The following DAB2 variants were observed in gnomAD, a reference collection of about 807,000 sequenced individuals.
DAB2 encodes disabled homolog 2.
Under a neutral mutation model 71.6 loss-of-function variants are expected in DAB2, and 28 were observed. That is an observed-to-expected ratio of 0.39 (90% CI 0.29 to 0.54). The LOEUF is 0.54. Ranked by LOEUF, DAB2 falls within the 20% of genes least tolerant of loss-of-function variation. The pLI is 0.68. For missense variants in DAB2, 867 were observed against 928.8 expected (o/e 0.93, Z 0.86); for synonymous variants, 345 against 339.7 (o/e 1.02, Z -0.17).
chr5:39,383,253 A>G lies in DAB2; in HGVS notation c.706T>C (p.Leu236=), dbSNP rs768055032. The G allele has an allele frequency of 1.2e-6, 2 of 1,608,084 alleles. No individual in the cohort carries two copies. The highest frequency in any genetic ancestry group is 2.2e-5 in the South Asian group (2 of 90,434). The change falls in exon 10 of 15, where the codon TTA becomes CTA. Residue 236 remains leucine, a synonymous_variant. Coordinates refer to ENST00000320816, the MANE Select transcript of DAB2 (RefSeq NM_001343.4). The part of the protein sequence containing the change: ...NSPTESKDIL[L]VDLNSEIDTN... ...TCGATTTCAGAGTTTAGATCCACTA[A>G]CAGGATATCTTTGCTTTCCTATCAC...
chr5:39,389,033 G>A (rs1755162730), intron 7 of DAB2, 64 bp downstream of exon 7: 3 of 1,512,088 alleles, frequency 2.0e-6, no homozygotes, highest in South Asian at 1.1e-5. Context: ...GGTTGGGCAG[G>A]TAGAAAACAG....
intron 1 of DAB2, among the ~76,000 whole-genome samples, chr5:39,398,124 A>G (rs1755410162): frequency 6.6e-6 from 1 of 152,236 alleles, no homozygotes; most frequent in Non-Finnish European, 1.5e-5. Flanking sequence ...TCTGACATGA[A>G]AAGACTTAGC....
intron 11 of DAB2, among the ~76,000 whole-genome samples, chr5:39,377,739 A>C (rs1268105879): frequency 6.6e-6 from 1 of 152,196 alleles, no homozygotes; most frequent in Non-Finnish European, 1.5e-5. Context: ...TCTCTGAGTC[A>C]CAGATTTGAT....
chr5:39,374,538 G>C (rs1294737909), intron 14 of DAB2, among the ~76,000 whole-genome samples: 1 of 152,176 alleles, frequency 6.6e-6, no homozygotes, highest in Non-Finnish European at 1.5e-5. Context: ...GACTCTTTCA[G>C]ACTAACTTTG....
At chr5:39,423,691 A>G (rs1438534680) in intron 1 of DAB2, 4 of 152,222 alleles carry the variant, frequency 2.6e-5, no homozygotes, top group Non-Finnish European at 5.9e-5. Context: ...TGTTTGCATT[A>G]GTTATATCTT....
intron 6 of DAB2, among the ~76,000 whole-genome samples, 181 bp downstream of exon 6, chr5:39,389,671 C>A (rs1172330482): frequency 1.3e-5 from 2 of 152,092 alleles, no homozygotes; most frequent in African/African-American, 2.4e-5. Flanking sequence ...ACCACCACCC[C>A]TGGCTAATTT....
chr5:39,386,321 C>G (rs1755099222), intron 9 of DAB2, among the ~76,000 whole-genome samples: 1 of 152,092 alleles, frequency 6.6e-6, no homozygotes. Flanking sequence ...CATCTAGGAC[C>G]AATAATAAAG....
At chr5:39,391,278 T>C (rs1328163450) in intron 4 of DAB2, among the ~76,000 whole-genome samples, 1 of 152,164 alleles carries the variant, frequency 6.6e-6, no homozygotes, top group African/African-American at 2.4e-5. Flanking sequence ...AAGGTTGAAC[T>C]CTTTAGGGAT....
In DAB2 at chr5:39,376,902, G is replaced by T; in HGVS notation, c.1885C>A (p.Pro629Thr). ...AAGGCATCACTGGAGATGTCCTTGG[G>T]AGGGCCAGCTCTGGGAGGTGGCTGA... ...PPQPPPRAGP[P>T]KDISSDAFTA... Residue 629 changes from proline to threonine, a missense_variant, in exon 12 of 15, where the codon CCC becomes ACC. This residue lies in a region of DAB2 where 740 missense variants were observed against 734.3 expected (regional missense o/e 1.01). Coordinates refer to ENST00000320816, the MANE Select transcript of DAB2 (RefSeq NM_001343.4). The T allele has an allele frequency of 6.2e-7, 1 of 1,614,166 alleles. No homozygotes were observed. The highest frequency in any genetic ancestry group is 1.1e-5 in the South Asian group (1 of 91,078).
intron 1 of DAB2, among the ~76,000 whole-genome samples, chr5:39,412,684 CTAA>C (rs756380958): frequency 2.0e-5 from 3 of 151,994 alleles, no homozygotes; most frequent in Non-Finnish European, 4.4e-5. Context: ...TTAAATTTAC[CTAA>C]TGTTTATTGT....
intron 1 of DAB2, among the ~76,000 whole-genome samples, chr5:39,412,100 C>G (rs1460953084): frequency 6.6e-6 from 1 of 152,062 alleles, no homozygotes; most frequent in African/African-American, 2.4e-5. Flanking sequence ...ATATTTGCAC[C>G]TGGGTCCAAA....
chr5:39,402,646 G>C (rs2112082822), intron 1 of DAB2, among the ~76,000 whole-genome samples: 1 of 152,276 alleles, frequency 6.6e-6, no homozygotes, highest in Middle Eastern at 3.4e-3. Context: ...TTGAACTCCT[G>C]ACCTCAGGTG....
At chr5:39,405,467 A>G (rs943830639) in intron 1 of DAB2, among the ~76,000 whole-genome samples, 2 of 152,308 alleles carry the variant, frequency 1.3e-5, no homozygotes, top group African/African-American at 4.8e-5. Context: ...TAAAAATCAC[A>G]TTTCTGTCAT....
chr5:39,421,321 C>A (rs533202836), intron 1 of DAB2, among the ~76,000 whole-genome samples: 8 of 152,218 alleles, frequency 5.3e-5, no homozygotes, highest in African/African-American at 1.9e-4. Flanking sequence ...GGAGTAATAA[C>A]AAACAAACAA....
intron 1 of DAB2, among the ~76,000 whole-genome samples, chr5:39,410,542 A>C (rs560708086): frequency 2.6e-5 from 4 of 152,296 alleles, no homozygotes; most frequent in African/African-American, 7.2e-5. Flanking sequence ...TAGGGTACCA[A>C]ATAAACTGCT....
rs1317402022 is a variant in DAB2 at position 39,376,673 on chromosome 5, T to G, written c.2114A>C (p.Asn705Thr). 1 of 1,613,890 alleles carries G rather than the reference T, an allele frequency of 6.2e-7. No homozygotes were observed. Among genetic ancestry groups the G allele is most frequent in the Non-Finnish European group, 8.5e-7 (1 of 1,180,000 alleles). ...ENADHDDFDA[N>T]QLLNKINEPP... ...ACCATTGATCTTGTTCAATAGTTGA[T>G]TAGCATCAAAGTCATCATGGTCTGC... is the stretch of plus-strand genomic sequence containing the variant. The change falls in exon 12 of 15, where the codon AAT becomes ACT. Residue 705 changes from asparagine to threonine, a missense_variant. Around this residue, in one of 2 missense-constraint regions of DAB2, gnomAD observed 740 missense variants for 734.3 expected, o/e 1.01. Coordinates refer to ENST00000320816, the MANE Select transcript of DAB2 (RefSeq NM_001343.4).
Position 39,390,465 on chromosome 5 carries a change from A to C in DAB2, c.441T>G (p.Phe147Leu). ...TCACCTGTTGCCCGGTTTTTATGGC[A>C]AAAAACTGATGCTGGCCTTCTCCTC... ...VCGGEGQHQF[F>L]AIKTGQQAEP... is the part of the protein sequence containing the mutation. Residue 147 changes from phenylalanine to leucine, a missense_variant, in exon 5 of 15, where the codon TTT (phenylalanine) becomes TTG (leucine). Physicochemically the swap from Phe to Leu is conservative, Grantham distance 22. This residue lies in a region of DAB2 where 127 missense variants were observed against 194.4 expected (regional missense o/e 0.65). Coordinates refer to ENST00000320816, the MANE Select transcript of DAB2 (RefSeq NM_001343.4). 6.2e-7 allele frequency: 1 copy of C among 1,614,102 alleles called. No individual in the cohort carries two copies. Among genetic ancestry groups the C allele is most frequent in the Non-Finnish European group, 8.5e-7 (1 of 1,179,984 alleles).
chr5:39,390,300 G>T, intron 5 of DAB2, 144 bp downstream of exon 5: 1 of 1,052,744 alleles, frequency 9.5e-7, no homozygotes, highest in Non-Finnish European at 1.4e-6. Flanking sequence ...AGATTCCATA[G>T]GCCAATAAAA....
chr5:39,408,107 A>G (rs746301082), intron 1 of DAB2, among the ~76,000 whole-genome samples: 15 of 152,172 alleles, frequency 9.9e-5, no homozygotes, highest in Non-Finnish European at 1.8e-4. Flanking sequence ...CTTTCTTGCA[A>G]CTCATGTTTC....
Sources: allele counts gnomAD v4.1 joint callset (sites outside exome capture counted in the v4.1 genomes callset), GRCh38; gene constraint gnomAD v4.1.1; regional missense constraint gnomAD v4.1.1; transcripts MANE v1.5; gene names NCBI Gene and HGNC (gene_info 2026-07-23, HGNC 2026-07-21).